Variants in ABTB2 observed in about 807,000 individuals in gnomAD.
The protein encoded by ABTB2 is ankyrin repeat and BTB/POZ domain-containing protein 2.
ABTB2 carries 56 observed loss-of-function variants against 104.1 expected under a neutral mutation model. That is an observed-to-expected ratio of 0.54 (90% confidence interval 0.43 to 0.67). The LOEUF is 0.67. Ranked by LOEUF, ABTB2 falls within the 30% of genes least tolerant of loss-of-function variation. The probability of loss-of-function intolerance (pLI) is 0.00; values close to 1 mark genes in which losing one functional copy is unlikely to be tolerated. For synonymous variants in ABTB2, 606 were observed against 608.2 expected, an observed-to-expected ratio of 1.00 and a Z score of 0.05; for missense variants, 1,279 against 1,407.7, an observed-to-expected ratio of 0.91 and a Z score of 1.46.
chr11:34,278,721 C>T (rs2133085372), intron 1 of ABTB2, among the ~76,000 whole-genome samples: 1 of 152,292 alleles, frequency 6.6e-6, no homozygotes, highest in South Asian at 2.1e-4. Flanking sequence ...TACTTCTTTC[C>T]AGGTCTCCAA....
At chr11:34,205,926 G>A (rs888743257) in intron 1 of ABTB2, among the ~76,000 whole-genome samples, 1 of 152,182 alleles carries the variant, frequency 6.6e-6, no homozygotes, top group Non-Finnish European at 1.5e-5. Flanking sequence ...GCTGCTGTGA[G>A]GATTAACTGA....
At chr11:34,315,604 C>A (rs1590253244) in intron 1 of ABTB2, among the ~76,000 whole-genome samples, 1 of 152,212 alleles carries the variant, frequency 6.6e-6, no homozygotes, top group Admixed American at 6.5e-5. Flanking sequence ...TCTCCTCCAT[C>A]CCTCCTCCCC....
intron 14 of ABTB2, among the ~76,000 whole-genome samples, chr11:34,157,900 T>C (rs910865737): frequency 1.3e-5 from 2 of 152,240 alleles, no homozygotes; most frequent in East Asian, 3.8e-4. Flanking sequence ...CTTGGCTGTT[T>C]TGCACATCCT....
At chr11:34,160,135 G>A (rs1373869518) in intron 12 of ABTB2, 113 bp downstream of exon 12, 7 of 1,270,006 alleles carry the variant, frequency 5.5e-6, no homozygotes, top group Non-Finnish European at 7.9e-6. Flanking sequence ...GAGAAACTGA[G>A]GCTGGGGCCT....
chr11:34,208,742 A>G (rs148621750), intron 1 of ABTB2, among the ~76,000 whole-genome samples: 13 of 152,068 alleles, frequency 8.5e-5, no homozygotes, highest in African/African-American at 3.1e-4. Context: ...CCGGTTGCCC[A>G]AGGAGAGACC....
chr11:34,221,145 AT>A (rs1472394295), intron 1 of ABTB2, among the ~76,000 whole-genome samples: 1 of 151,444 alleles, frequency 6.6e-6, no homozygotes, highest in Non-Finnish European at 1.5e-5. Context: ...TAATTTTTGT[AT>A]TTTTTTAGTA....
intron 1 of ABTB2, among the ~76,000 whole-genome samples, chr11:34,234,849 A>G (rs1411839648): frequency 6.6e-6 from 1 of 151,938 alleles, no homozygotes; most frequent in Non-Finnish European, 1.5e-5. Context: ...TATTGTGTTT[A>G]TTTTATTTAT....
chr11:34,264,477 G>A (rs2133076456), intron 1 of ABTB2, among the ~76,000 whole-genome samples: 1 of 152,362 alleles, frequency 6.6e-6, no homozygotes, highest in East Asian at 1.9e-4. Context: ...ATGGGAATTT[G>A]CCCAGCTACT....
chr11:34,277,799 CTT>C (rs1163442976), intron 1 of ABTB2, among the ~76,000 whole-genome samples: 17,744 of 120,460 alleles, frequency 0.15, 1,422 homozygotes, highest in Admixed American at 0.23. Flanking sequence ...AACAGATTCT[CTT>C]TTTTTTTTTT....
chr11:34,232,357 T>C (rs541052437), intron 1 of ABTB2, among the ~76,000 whole-genome samples: 1 of 150,644 alleles, frequency 6.6e-6, no homozygotes, highest in Admixed American at 6.7e-5. Context: ...GGCAGAGGCA[T>C]GAGAAGCACT....
intron 2 of ABTB2, among the ~76,000 whole-genome samples, chr11:34,201,004 T>C (rs894419497): frequency 1.3e-5 from 2 of 152,216 alleles, no homozygotes; most frequent in Non-Finnish European, 2.9e-5. Flanking sequence ...GGCTTGCATT[T>C]CACATGTCTT....
At chr11:34,355,330 T>C (rs1308901976) in intron 1 of ABTB2, among the ~76,000 whole-genome samples, 1 of 152,180 alleles carries the variant, frequency 6.6e-6, no homozygotes, top group East Asian at 1.9e-4. Context: ...CACCAGCATC[T>C]AGAACCTTAA....
chr11:34,245,881 T>C (rs1054467305), intron 1 of ABTB2, among the ~76,000 whole-genome samples: 1 of 152,234 alleles, frequency 6.6e-6, no homozygotes, highest in Non-Finnish European at 1.5e-5. Flanking sequence ...TGTGCTGTTC[T>C]AGACTAAATG....
In ABTB2 at chr11:34,344,686, C is replaced by T. The variant is rs574029587; in HGVS notation, c.883+12015G>A. On this transcript the variant is annotated intron_variant, in intron 1 of 16. Coordinates refer to ENST00000435224, the MANE Select transcript of ABTB2 (RefSeq NM_145804.3). ...TAGTTTTTGTATTTTTTTGTAGAAA[C>T]GGGGTTTCACCGTGTTGCCCGGTCT... Among the ~76,000 whole-genome samples, 9 of 152,228 alleles carry T rather than the reference C, an allele frequency of 5.9e-5. No individual in the cohort carries two copies. The South Asian group carries it at 6.2e-4, about 11-fold the overall frequency.
chr11:34,236,311 T>C (rs1234374276), intron 1 of ABTB2, among the ~76,000 whole-genome samples: 1 of 152,216 alleles, frequency 6.6e-6, no homozygotes, highest in Non-Finnish European at 1.5e-5. Flanking sequence ...TTCTTCTTCC[T>C]TTGCTCTTGT....
chr11:34,172,371 CAA>C (rs1230787869), intron 4 of ABTB2, among the ~76,000 whole-genome samples: 1,016 of 61,620 alleles, frequency 0.016, 72 homozygotes, highest in East Asian at 0.09. Context: ...AACTCTGTCT[CAA>C]AAAAAAAAAA....
At chr11:34,275,474 C>G (rs1213989263) in intron 1 of ABTB2, among the ~76,000 whole-genome samples, 1 of 152,098 alleles carries the variant, frequency 6.6e-6, no homozygotes, top group Non-Finnish European at 1.5e-5. Context: ...CCCCTGAATA[C>G]AGGGCTCTCT....
At position 34,212,788 on chromosome 11, in the gene ABTB2, G is replaced by A. The variant is rs546371356; in HGVS notation, c.884-8098C>T. 3.3e-5 allele frequency among the ~76,000 whole-genome samples: 5 copies of A among 152,356 alleles called. No homozygotes were observed. The South Asian group carries it at 1.0e-3, about 32-fold the overall frequency. ...CCACTTAACACTTCATTCTGGCTAA[G>A]TTATCAGAACAGCACTGGCAAAAGG... is the stretch of plus-strand genomic sequence containing the variant. On this transcript the variant is annotated intron_variant, in intron 1 of 16. Transcript: ENST00000435224.
chr11:34,357,527 G>A lies in ABTB2; in HGVS notation c.57C>T (p.Ser19=). The part of the protein sequence containing the change: ...LKTLEDLTLD[S]GYGAGDSCRS... ...GGCACGAGTCCCCGGCCCCATACCCGGAGTCCAAGGTCAAGTCCTCCAGCG... is the reference window on the plus strand; with the variant it reads ...GGCACGAGTCCCCGGCCCCATACCCAGAGTCCAAGGTCAAGTCCTCCAGCG... Residue 19 remains serine, a synonymous_variant, in exon 1 of 17, where the codon TCC becomes TCT. Coordinates refer to ENST00000435224, the MANE Select transcript of ABTB2 (RefSeq NM_145804.3). 6.5e-7 allele frequency: 1 copy of A among 1,538,394 alleles called. No individual in the cohort carries two copies. Among genetic ancestry groups the A allele is most frequent in the Non-Finnish European group, 8.7e-7 (1 of 1,146,438 alleles).
Sources: allele counts gnomAD v4.1 joint callset (sites outside exome capture counted in the v4.1 genomes callset), GRCh38; gene constraint gnomAD v4.1.1; transcripts MANE v1.5; gene names NCBI Gene and HGNC (gene_info 2026-07-23, HGNC 2026-07-21).